Variants in FAM227B observed in about 807,000 individuals in gnomAD.
The protein encoded by FAM227B is protein FAM227B.
Under a neutral mutation model 73.8 loss-of-function variants are expected in FAM227B, and 88 were observed. The ratio of observed to expected loss-of-function variants is 1.19; its 90% CI spans 1.00 to 1.42. The LOEUF (loss-of-function observed/expected upper bound fraction) is 1.42. FAM227B is among the 40% of genes most tolerant of loss of function. FAM227B has a pLI of 0.00. For synonymous variants in FAM227B, 210 were observed against 190.5 expected (o/e 1.10, Z -0.84); for missense variants, 632 against 590.9 (o/e 1.07, Z -0.72).
intron 9 of FAM227B, among the ~76,000 whole-genome samples, chr15:49,555,428 T>C (rs180988987): frequency 1.3e-5 from 2 of 152,346 alleles, no homozygotes; most frequent in Admixed American, 1.3e-4. Context: ...TGCTGGTAAA[T>C]TGGTGAGGTT....
intron 9 of FAM227B, among the ~76,000 whole-genome samples, chr15:49,545,036 C>A (rs1420501666): frequency 2.6e-5 from 4 of 152,004 alleles, no homozygotes; most frequent in Non-Finnish European, 5.9e-5. Flanking sequence ...GGGAAGAGTC[C>A]CTCTTTCACC....
At chr15:49,388,445 A>G (rs1393533542) in intron 11 of FAM227B, among the ~76,000 whole-genome samples, 1 of 151,960 alleles carries the variant, frequency 6.6e-6, no homozygotes, top group Non-Finnish European at 1.5e-5. Context: ...TTGAAGAATG[A>G]AACTGGATTC....
At chr15:49,387,376 G>T (rs1596769054) in intron 11 of FAM227B, among the ~76,000 whole-genome samples, 1 of 151,870 alleles carries the variant, frequency 6.6e-6, no homozygotes, top group East Asian at 1.9e-4. Context: ...CACATAAACA[G>T]AATTAAAAAC....
intron 10 of FAM227B, 28 bp downstream of exon 10, chr15:49,541,652 G>T: frequency 7.3e-7 from 1 of 1,369,914 alleles, no homozygotes; most frequent in South Asian, 2.2e-5. Flanking sequence ...CCAAAACAAT[G>T]ATTAATATTT....
chr15:49,368,794 T>G (rs1030498582), intron 12 of FAM227B, among the ~76,000 whole-genome samples: 1 of 152,210 alleles, frequency 6.6e-6, no homozygotes, highest in African/African-American at 2.4e-5. Flanking sequence ...ATTCTAGAAA[T>G]AGACATTTCT....
At chr15:49,444,656 C>A (rs1012370552) in intron 11 of FAM227B, among the ~76,000 whole-genome samples, 1 of 151,642 alleles carries the variant, frequency 6.6e-6, no homozygotes, top group Non-Finnish European at 1.5e-5. Flanking sequence ...ACCTTCTTAG[C>A]CTAATATTCT....
intron 13 of FAM227B, among the ~76,000 whole-genome samples, chr15:49,359,624 C>G (rs2151387190): frequency 7.9e-6 from 1 of 126,244 alleles, no homozygotes; most frequent in South Asian, 2.6e-4. Flanking sequence ...AATAGGAACA[C>G]TTTTACACTG....
intron 2 of FAM227B, among the ~76,000 whole-genome samples, chr15:49,613,271 T>G (rs569876832): frequency 1.3e-5 from 2 of 152,214 alleles, no homozygotes; most frequent in Non-Finnish European, 2.9e-5. Flanking sequence ...TCCCAGCACT[T>G]TGGGAGGCCA....
chr15:49,446,743 A>C (rs936799283), intron 11 of FAM227B, among the ~76,000 whole-genome samples: 1 of 151,650 alleles, frequency 6.6e-6, no homozygotes, highest in East Asian at 1.9e-4. Flanking sequence ...AAAATGCTTC[A>C]AAACATATTT....
intron 4 of FAM227B, among the ~76,000 whole-genome samples, 198 bp downstream of exon 4, chr15:49,589,578 C>T (rs1259755016): frequency 6.6e-6 from 1 of 150,992 alleles, no homozygotes; most frequent in African/African-American, 2.4e-5. Context: ...CACACACACA[C>T]ACACACACAC....
At chr15:49,390,639 C>T (rs553435398) in intron 11 of FAM227B, among the ~76,000 whole-genome samples, 4 of 152,150 alleles carry the variant, frequency 2.6e-5, no homozygotes, top group East Asian at 1.9e-4. Context: ...ATCCTCCCTC[C>T]TATCTCACTT....
At chr15:49,424,573 G>T in intron 11 of FAM227B, 9 of 1,409,036 alleles carry the variant, frequency 6.4e-6, no homozygotes, top group Admixed American at 3.8e-5. Flanking sequence ...AAGAGATGAA[G>T]AATAATTACA....
At chr15:49,340,403 G>GCCCCCCCCCCCCCCCCCCCCCCCCC (rs373386438) in intron 13 of FAM227B, among the ~76,000 whole-genome samples, 1 of 94,380 alleles carries the variant, frequency 1.1e-5, no homozygotes, top group Non-Finnish European at 2.2e-5. Context: ...GCAGTGCCCC[G>GCCCCCCCCCCCCCCCCCCCCCCCCC]CCCCCCCCCT....
At position 49,340,017 on chromosome 15, in the gene FAM227B, G is replaced by A. The variant is rs556235782; in HGVS notation, c.1272-4521C>T. ...TGAGCTCAGACTGCTGTGCTGGCAC[G>A]AGAATTTCAAGCCAGTGGATCTTAA... On this transcript the variant is annotated intron_variant, in intron 13 of 15. Transcript: ENST00000299338. Among the ~76,000 whole-genome samples, 152 of 152,236 alleles carry A rather than the reference G, an allele frequency of 1.0e-3. 1 individual carries two copies. Among genetic ancestry groups the A allele is most frequent in the African/African-American group, 3.0e-3 (126 of 41,560 alleles).
At chr15:49,491,938 T>C (rs2057146533) in intron 11 of FAM227B, among the ~76,000 whole-genome samples, 1 of 151,778 alleles carries the variant, frequency 6.6e-6, no homozygotes. Flanking sequence ...CTTAATACTA[T>C]TAATACTTGC....
intron 11 of FAM227B, among the ~76,000 whole-genome samples, chr15:49,459,791 C>T (rs531347141): frequency 7.2e-5 from 11 of 152,210 alleles, no homozygotes; most frequent in African/African-American, 2.4e-4. Flanking sequence ...TGGCTCATCC[C>T]GGCTCCTGTG....
intron 11 of FAM227B, among the ~76,000 whole-genome samples, chr15:49,465,802 G>A (rs1458555532): frequency 4.6e-5 from 7 of 152,054 alleles, no homozygotes; most frequent in Non-Finnish European, 5.9e-5. Flanking sequence ...TTAGTTTTTC[G>A]ACATTTAGTA....
intron 11 of FAM227B, chr15:49,484,523 G>A (rs2056241644): frequency 4.6e-6 from 6 of 1,297,602 alleles, no homozygotes; most frequent in Non-Finnish European, 6.2e-6. Flanking sequence ...GGTATATAAA[G>A]AACCAGTTCC....
In FAM227B at chr15:49,372,087, T is replaced by TTATAAATAAATGAAATAAAATTCAC. The variant is rs1567172603; in HGVS notation, c.1013-689_1013-688insGTGAATTTTATTTCATTTATTTATA. ...TTATAAATCAATGAAATAAAATTCA[T>TTATAAATAAATGAAATAAAATTCAC]TTATAAATAAATGAAATAAAATTCA... On this transcript the variant is annotated intron_variant, in intron 11 of 15. Coordinates refer to ENST00000299338, the MANE Select transcript of FAM227B (RefSeq NM_152647.3). Among the ~76,000 whole-genome samples, 130 of 49,696 alleles carry TTATAAATAAATGAAATAAAATTCAC rather than the reference T, an allele frequency of 2.6e-3. 26 individuals carry two copies. The highest frequency in any genetic ancestry group is 0.011 in the African/African-American group (124 of 11,218). 32.6% of individuals were successfully genotyped at this position (49,696 alleles called of 152,430 possible).
Sources: allele counts gnomAD v4.1 joint callset (sites outside exome capture counted in the v4.1 genomes callset), GRCh38; gene constraint gnomAD v4.1.1; transcripts MANE v1.5; gene names NCBI Gene and HGNC (gene_info 2026-07-23, HGNC 2026-07-21).